The following HEMK2 variants were observed in gnomAD, a reference collection of about 807,000 sequenced individuals.
The protein encoded by HEMK2 is methyltransferase HEMK2.
the HEMK2 span, among the ~76,000 whole-genome samples, chr21:28,670,634 A>G: frequency 6.6e-6 from 1 of 152,236 alleles, no homozygotes. Context: ...TAGAAAGTGT[A>G]TTAGTCCGTT....
chr21:28,639,677 G>C, the HEMK2 span, among the ~76,000 whole-genome samples: 2 of 152,152 alleles, frequency 1.3e-5, no homozygotes, highest in Admixed American at 1.3e-4. Context: ...TATATGACTA[G>C]TATACATACT....
At chr21:28,746,721 G>T in the HEMK2 span, among the ~76,000 whole-genome samples, 1 of 150,854 alleles carries the variant, frequency 6.6e-6, no homozygotes, top group Non-Finnish European at 1.5e-5. Context: ...ATTCCAGAAA[G>T]ATATGAAGAG....
the HEMK2 span, among the ~76,000 whole-genome samples, chr21:28,636,854 T>C: frequency 6.6e-6 from 1 of 152,208 alleles, no homozygotes; most frequent in African/African-American, 2.4e-5. Context: ...GAGTCCCTCA[T>C]ACAGCATTGC....
At chr21:28,884,989 G>C in the HEMK2 span, among the ~76,000 whole-genome samples, 1 of 152,170 alleles carries the variant, frequency 6.6e-6, no homozygotes, top group Non-Finnish European at 1.5e-5. Context: ...GGGAGCTCAT[G>C]AGACAGAGCA....
At chr21:28,644,977 T>A in the HEMK2 span, among the ~76,000 whole-genome samples, 1 of 152,036 alleles carries the variant, frequency 6.6e-6, no homozygotes, top group African/African-American at 2.4e-5. Context: ...TTTTGGTGAG[T>A]TATAGGAATG....
chr21:28,646,455 C>G, the HEMK2 span, among the ~76,000 whole-genome samples: 1 of 152,194 alleles, frequency 6.6e-6, no homozygotes, highest in African/African-American at 2.4e-5. Context: ...CTTGTCCTAC[C>G]TCCTTCAAAG....
chr21:28,634,094 A>C, the HEMK2 span, among the ~76,000 whole-genome samples: 1 of 152,216 alleles, frequency 6.6e-6, no homozygotes, highest in Non-Finnish European at 1.5e-5. Context: ...GAATCATGCA[A>C]ATGAGAATGT....
At chr21:28,579,085 T>C in the HEMK2 span, among the ~76,000 whole-genome samples, 1 of 152,212 alleles carries the variant, frequency 6.6e-6, no homozygotes, top group Non-Finnish European at 1.5e-5. Context: ...TTAGGCTATT[T>C]GTGAACTCGG....
the HEMK2 span, among the ~76,000 whole-genome samples, chr21:28,649,455 C>T: frequency 6.6e-6 from 1 of 152,200 alleles, no homozygotes; most frequent in Non-Finnish European, 1.5e-5. Flanking sequence ...TACATTGTGA[C>T]AGACACTGTT....
the HEMK2 span, among the ~76,000 whole-genome samples, chr21:28,807,466 C>A: frequency 6.6e-6 from 1 of 152,152 alleles, no homozygotes; most frequent in Non-Finnish European, 1.5e-5. Flanking sequence ...CATCCACAGA[C>A]AGAGGGAGAA....
chr21:28,854,513 T>C, the HEMK2 span, among the ~76,000 whole-genome samples: 7 of 146,096 alleles, frequency 4.8e-5, no homozygotes, highest in Non-Finnish European at 7.5e-5. Context: ...TCTATAGATA[T>C]ACATAGAGAT....
At chr21:28,613,555 T>G in the HEMK2 span, among the ~76,000 whole-genome samples, 3 of 151,358 alleles carry the variant, frequency 2.0e-5, no homozygotes, top group African/African-American at 7.3e-5. Context: ...AGCAAAAGTA[T>G]TTGCCTTGTC....
At chr21:28,606,301 G>A in the HEMK2 span, among the ~76,000 whole-genome samples, 471 of 152,238 alleles carry the variant, frequency 3.1e-3, 4 homozygotes, top group African/African-American at 0.011. Context: ...TACCAAAATC[G>A]TATTGTTCTC....
chr21:28,807,459 C>G, the HEMK2 span, among the ~76,000 whole-genome samples: 1 of 152,146 alleles, frequency 6.6e-6, no homozygotes, highest in Non-Finnish European at 1.5e-5. Flanking sequence ...GAATCAACAT[C>G]CACAGACAGA....
At chr21:28,880,364 C>T in the HEMK2 span, among the ~76,000 whole-genome samples, 2 of 152,130 alleles carry the variant, frequency 1.3e-5, no homozygotes, top group East Asian at 3.9e-4. Flanking sequence ...GGATACTGTT[C>T]TATAGTCTCT....
At chr21:28,879,080 C>CTTTTTTTTTTTTTTTTTTT in the HEMK2 span, among the ~76,000 whole-genome samples, 2 of 98,654 alleles carry the variant, frequency 2.0e-5, 1 homozygote, top group African/African-American at 7.7e-5. Flanking sequence ...TAGATTGTTT[C>CTTTTTTTTTTTTTTTTTTT]TTTTTTTTTT....
the HEMK2 span, among the ~76,000 whole-genome samples, chr21:28,884,588 G>C: frequency 6.6e-5 from 10 of 152,278 alleles, no homozygotes; most frequent in African/African-American, 1.9e-4. Flanking sequence ...TGCTAGGGTA[G>C]ACTATTGTCT....
chr21:28,688,697 T>C, the HEMK2 span, among the ~76,000 whole-genome samples: 1 of 152,190 alleles, frequency 6.6e-6, no homozygotes, highest in Admixed American at 6.5e-5. Flanking sequence ...TACAGATGCG[T>C]AAAAATTTAT....
chr21:28,720,070 G>A, the HEMK2 span, among the ~76,000 whole-genome samples: 3 of 152,152 alleles, frequency 2.0e-5, no homozygotes, highest in Non-Finnish European at 4.4e-5. Context: ...TGCTTAAAAA[G>A]TTCCCAAGCA....
Sources: allele counts gnomAD v4.1 joint callset (sites outside exome capture counted in the v4.1 genomes callset), GRCh38; gene constraint gnomAD v4.1.1; transcripts MANE v1.5; gene names NCBI Gene and HGNC (gene_info 2026-07-23, HGNC 2026-07-21).